The following DNAJC6 variants were observed in gnomAD, a reference collection of about 807,000 sequenced individuals.
The protein encoded by DNAJC6 is DnaJ heat shock protein family (Hsp40) member C6, also known as auxilin.
In DNAJC6, 34 loss-of-function variants were observed where a neutral mutation model predicts 110.0. The ratio of observed to expected loss-of-function variants is 0.31; its 90% CI spans 0.24 to 0.41. The LOEUF is 0.41. Ranked by LOEUF, DNAJC6 falls within the 10% of genes least tolerant of loss-of-function variation. The pLI, the probability that DNAJC6 is intolerant of heterozygous loss-of-function variation, is 1.00. For missense variants in DNAJC6, 1,031 were observed against 1,207.8 expected (o/e 0.85, Z 2.17); for synonymous variants, 406 against 437.2 (o/e 0.93, Z 0.89).
At chr1:65,380,615 C>T (rs1570351884) in intron 5 of DNAJC6, among the ~76,000 whole-genome samples, 2 of 152,174 alleles carry the variant, frequency 1.3e-5, no homozygotes, top group East Asian at 3.9e-4. Flanking sequence ...CCTTAAGGAC[C>T]TTGGTGATTT....
chr1:65,342,771 C>CT (rs1378738180), intron 1 of DNAJC6, among the ~76,000 whole-genome samples: 2 of 152,148 alleles, frequency 1.3e-5, no homozygotes, highest in Admixed American at 6.6e-5. Flanking sequence ...TCTTGCTGCA[C>CT]TTCAATGCAA....
chr1:65,367,223 G>A lies in DNAJC6; in HGVS notation c.543+1027G>A, dbSNP rs188392567. Among the ~76,000 whole-genome samples, 359 of 152,222 alleles carry A rather than the reference G, an allele frequency of 2.4e-3. 1 individual carries two copies. Among genetic ancestry groups the A allele is most frequent in the African/African-American group, 7.8e-3 (323 of 41,546 alleles). ...CAGACTTCTGATTCAGAAGGACAAG[G>A]GAGGCATAAGAATCTGCATTTCTAA... On this transcript the variant is annotated intron_variant, in intron 4 of 18. Coordinates refer to ENST00000371069, the MANE Select transcript of DNAJC6 (RefSeq NM_001256864.2).
intron 10 of DNAJC6, 24 bp downstream of exon 10, chr1:65,389,473 T>C: frequency 1.2e-6 from 2 of 1,613,626 alleles, no homozygotes; most frequent in Non-Finnish European, 1.7e-6. Context: ...GATGGTTTTG[T>C]TTTTCAGGAT....
chr1:65,412,798 A>G (rs1646140447), intron 18 of DNAJC6, 126 bp from the exon 19 acceptor site: 1 of 828,256 alleles, frequency 1.2e-6, no homozygotes, highest in Non-Finnish European at 1.9e-6. Flanking sequence ...ATTAGGCTGA[A>G]AAGGAGAAAT....
At chr1:65,364,037 T>G (rs1170801596) in intron 1 of DNAJC6, among the ~76,000 whole-genome samples, 1 of 151,900 alleles carries the variant, frequency 6.6e-6, no homozygotes, top group East Asian at 1.9e-4. Context: ...GGCCGAGGAG[T>G]GCCCTGGACT....
At chr1:65,360,889 G>A (rs759467956) in intron 1 of DNAJC6, among the ~76,000 whole-genome samples, 1 of 152,144 alleles carries the variant, frequency 6.6e-6, no homozygotes, top group Non-Finnish European at 1.5e-5. Flanking sequence ...GATATCTGCC[G>A]CTGAGAGCAG....
At chr1:65,336,748 ATCAG>A (rs568962182) in intron 1 of DNAJC6, among the ~76,000 whole-genome samples, 6 of 152,186 alleles carry the variant, frequency 3.9e-5, no homozygotes, top group Non-Finnish European at 7.4e-5. Flanking sequence ...AACCTGCTCA[ATCAG>A]TCAATCAGTC....
At chr1:65,316,633 TTATAA>T (rs1252875334) in intron 1 of DNAJC6, among the ~76,000 whole-genome samples, 1 of 152,206 alleles carries the variant, frequency 6.6e-6, no homozygotes, top group African/African-American at 2.4e-5. Context: ...AAAAGGGCAT[TTATAA>T]TGAAATATGC....
At chr1:65,336,004 A>G (rs1463391178) in intron 1 of DNAJC6, among the ~76,000 whole-genome samples, 2 of 152,186 alleles carry the variant, frequency 1.3e-5, no homozygotes, top group Non-Finnish European at 2.9e-5. Flanking sequence ...AAGGTTGATT[A>G]TACCTCTTTG....
exon 1 of DNAJC6, chr1:65,264,819 A>G: frequency 6.4e-7 from 1 of 1,573,786 alleles, no homozygotes; most frequent in Non-Finnish European, 8.6e-7. Context: ...TTCGCCCCCG[A>G]GACCGCTGAC....
chr1:65,393,217 G>T (rs1402559798), intron 12 of DNAJC6, among the ~76,000 whole-genome samples: 1 of 152,100 alleles, frequency 6.6e-6, no homozygotes, highest in African/African-American at 2.4e-5. Flanking sequence ...TTTACTATTT[G>T]CCAGACATGG....
At chr1:65,352,639 A>AT (rs1220600446) in intron 1 of DNAJC6, among the ~76,000 whole-genome samples, 1 of 152,226 alleles carries the variant, frequency 6.6e-6, no homozygotes, top group Non-Finnish European at 1.5e-5. Context: ...AGCACATAGC[A>AT]TATATACCCT....
At chr1:65,382,964 G>A (rs1241655930) in intron 5 of DNAJC6, among the ~76,000 whole-genome samples, 2 of 152,136 alleles carry the variant, frequency 1.3e-5, no homozygotes, top group African/African-American at 4.8e-5. Context: ...GAAAGGGAGG[G>A]TATTTCAGAT....
chr1:65,279,929 G>C (rs1002302110), intron 1 of DNAJC6: 3 of 152,342 alleles, frequency 2.0e-5, no homozygotes, highest in Admixed American at 2.0e-4. Flanking sequence ...GAAGATAAAA[G>C]AAAGCTACCC....
In DNAJC6 at chr1:65,394,902, C is replaced by A; in HGVS notation, c.1908C>A (p.Ala636=). Residue 636 remains alanine (A), a synonymous_variant, in exon 13 of 19, where the codon GCC becomes GCA. Coordinates refer to ENST00000371069, the MANE Select transcript of DNAJC6 (RefSeq NM_001256864.2). ...TATTTTCCCATTGTTTTCTAGGTGC[C>A]ACCTTTGACCCATTTGGAGCACCTT... The part of the protein sequence containing the change: ...ASPTLRVGEG[A]TFDPFGAPSK... The A allele has an allele frequency of 6.3e-7, 1 of 1,582,304 alleles. No individual in the cohort carries two copies.
intron 1 of DNAJC6, among the ~76,000 whole-genome samples, chr1:65,353,573 A>C (rs939832420): frequency 6.6e-6 from 1 of 152,240 alleles, no homozygotes; most frequent in African/African-American, 2.4e-5. Context: ...GGTTGTGAAC[A>C]CTGTGCCCTA....
At position 65,376,751 on chromosome 1, in the gene DNAJC6, TTTTA is replaced by T. The variant is rs3054307; in HGVS notation, c.544-2635_544-2632del. Among the ~76,000 whole-genome samples the T allele has an allele frequency of 1.2e-3, 188 of 150,432 alleles. 1 individual carries two copies. The highest frequency in any genetic ancestry group is 4.3e-3 in the African/African-American group (176 of 40,800). Reference sequence around the variant, plus strand: ...GAGAAGATGCTTGGTATGATTTCTATTTTATTTATTTATTTATTTTATTTATTTA... The same window carrying T: ...GAGAAGATGCTTGGTATGATTTCTATTTTATTTATTTATTTTATTTATTTA... On this transcript the variant is annotated intron_variant, in intron 4 of 18. Transcript: ENST00000371069.
intron 1 of DNAJC6, among the ~76,000 whole-genome samples, chr1:65,355,342 T>C (rs566980451): frequency 6.7e-6 from 1 of 150,280 alleles, no homozygotes; most frequent in East Asian, 2.0e-4. Context: ...GAGAGTTGGG[T>C]GTGCTATTGC....
chr1:65,338,440 T>A (rs1645358385), intron 1 of DNAJC6, among the ~76,000 whole-genome samples: 1 of 152,166 alleles, frequency 6.6e-6, no homozygotes, highest in Non-Finnish European at 1.5e-5. Context: ...CTTGAGGTAG[T>A]TTCTCTCTGT....
Sources: gnomAD v4.1 joint callset for allele counts (sites outside exome capture counted in the v4.1 genomes callset) on GRCh38, gnomAD v4.1.1 for gene constraint, MANE v1.5 for transcripts, NCBI Gene and HGNC (gene_info 2026-07-23, HGNC 2026-07-21) for gene names.